The following ARIH1 variants were observed in gnomAD, a reference collection of about 807,000 sequenced individuals.
ARIH1 encodes ariadne RBR E3 ubiquitin protein ligase 1, also known as E3 ubiquitin-protein ligase ARIH1.
ARIH1 carries 8 observed loss-of-function variants against 85.0 expected under a neutral mutation model. That is an observed-to-expected ratio of 0.09 (90% CI 0.06 to 0.17). The LOEUF is 0.17. Ranked by LOEUF, ARIH1 falls within the 10% of genes least tolerant of loss-of-function variation. The pLI, the probability that ARIH1 is intolerant of heterozygous loss-of-function variation, is 1.00. For missense variants in ARIH1, 311 were observed against 718.1 expected (o/e 0.43, Z 6.48); for synonymous variants, 238 against 253.6 (o/e 0.94, Z 0.59).
intron 1 of ARIH1, among the ~76,000 whole-genome samples, chr15:72,495,908 T>C (rs1041622275): frequency 2.6e-5 from 4 of 152,136 alleles, no homozygotes; most frequent in South Asian, 4.1e-4. Context: ...TACAAAAATA[T>C]ATCTTACAAT....
intron 5 of ARIH1, among the ~76,000 whole-genome samples, chr15:72,556,895 C>G (rs1271647547): frequency 6.6e-6 from 1 of 152,124 alleles, no homozygotes; most frequent in Non-Finnish European, 1.5e-5. Flanking sequence ...CATGATTGTG[C>G]TCACTTTTTT....
chr15:72,484,321 G>A (rs1320061986), intron 1 of ARIH1, among the ~76,000 whole-genome samples: 1 of 152,000 alleles, frequency 6.6e-6, no homozygotes, highest in Non-Finnish European at 1.5e-5. Flanking sequence ...GGTTACATAA[G>A]TAAATTCTTT....
intron 11 of ARIH1, among the ~76,000 whole-genome samples, chr15:72,580,399 C>G (rs1371192741): frequency 6.6e-6 from 1 of 152,134 alleles, no homozygotes; most frequent in African/African-American, 2.4e-5. Context: ...TGTGAGAGTA[C>G]AGAGATACCT....
At chr15:72,514,976 G>A (rs1595858340) in intron 1 of ARIH1, among the ~76,000 whole-genome samples, 1 of 151,632 alleles carries the variant, frequency 6.6e-6, no homozygotes, top group East Asian at 1.9e-4. Flanking sequence ...GACAGAACAA[G>A]ACTCCATCAA....
At chr15:72,575,161 C>G (rs576734628) in intron 11 of ARIH1, among the ~76,000 whole-genome samples, 1 of 152,250 alleles carries the variant, frequency 6.6e-6, no homozygotes, top group Admixed American at 6.5e-5. Flanking sequence ...CTGGATTTGT[C>G]ATGCAGGCCA....
At chr15:72,529,744 TA>T (rs2064047455) in intron 2 of ARIH1, among the ~76,000 whole-genome samples, 1 of 152,134 alleles carries the variant, frequency 6.6e-6, no homozygotes, top group South Asian at 2.1e-4. Flanking sequence ...CCTGGGTATT[TA>T]AGGCTCAGAA....
chr15:72,601,952 C>A lies in ARIH1; in HGVS notation c.*18660C>A, dbSNP rs1210361772. 6.6e-6 allele frequency: 1 copy of A among 152,090 alleles called. No individual in the cohort carries two copies. Among genetic ancestry groups the A allele is most frequent in the Admixed American group, 6.6e-5 (1 of 15,258 alleles). The allele number at this position is 152,090 out of a possible 1,614,324, so 9.4% of individuals were successfully genotyped here. A position where few individuals can be genotyped will look rare whatever the true frequency, so the allele number is the denominator to read the frequency against. On this transcript the variant is annotated 3_prime_UTR_variant, in exon 14 of 14. Transcript: ENST00000379887. ...CTTTATTTTTGCCTTTTTATTAATA[C>A]AGATACTATATGCATTTTCTGCACT...
chr15:72,485,956 C>T (rs963986837), intron 1 of ARIH1, among the ~76,000 whole-genome samples: 1 of 151,936 alleles, frequency 6.6e-6, no homozygotes, highest in African/African-American at 2.4e-5. Flanking sequence ...CCTTTGGGGC[C>T]CATGGAGATA....
At chr15:72,557,911 T>C (rs2064181750) in intron 5 of ARIH1, among the ~76,000 whole-genome samples, 1 of 152,226 alleles carries the variant, frequency 6.6e-6, no homozygotes, top group African/African-American at 2.4e-5. Flanking sequence ...TCCTGAAATT[T>C]TACTGACTTT....
intron 2 of ARIH1, among the ~76,000 whole-genome samples, chr15:72,540,755 G>A (rs2064103565): frequency 6.6e-6 from 1 of 152,290 alleles, no homozygotes; most frequent in East Asian, 1.9e-4. Flanking sequence ...GAGGCCAAGA[G>A]TTCAAGGCTG....
chr15:72,546,060 A>T (rs2064127623), intron 3 of ARIH1, among the ~76,000 whole-genome samples: 1 of 152,154 alleles, frequency 6.6e-6, no homozygotes, highest in South Asian at 2.1e-4. Flanking sequence ...TGGGGGTCTC[A>T]CTATGCTACC....
intron 3 of ARIH1, among the ~76,000 whole-genome samples, chr15:72,546,934 A>AG (rs200691808): frequency 0.056 from 1,500 of 26,950 alleles, 28 homozygotes; most frequent in African/African-American, 0.14. Flanking sequence ...TTTTTTTTGG[A>AG]GGGGGGGGGG....
chr15:72,578,848 G>A (rs909474023), intron 11 of ARIH1, among the ~76,000 whole-genome samples: 6 of 133,594 alleles, frequency 4.5e-5, no homozygotes, highest in Admixed American at 2.7e-4. Flanking sequence ...GTAGAGTCTC[G>A]TTCTCTCCCC....
rs565030765 is a variant in ARIH1 at position 72,590,185 on chromosome 15, A to G, written c.*6893A>G. 2.0e-5 allele frequency: 3 copies of G among 152,310 alleles called. No homozygotes were observed. The East Asian group carries it at 5.8e-4, about 29-fold the overall frequency. The allele number at this position is 152,310 out of a possible 1,614,324, so 9.4% of individuals were successfully genotyped here. A position where few individuals can be genotyped will look rare whatever the true frequency, so the allele number is the denominator to read the frequency against. On this transcript the variant is annotated 3_prime_UTR_variant, in exon 14 of 14. Coordinates refer to ENST00000379887, the MANE Select transcript of ARIH1 (RefSeq NM_005744.5). ...CTGAAGCTCTCAACCTTGATTCTGC[A>G]TAGACTCGGTGGATTGCCCAAGGCC...
At chr15:72,478,272 C>G (rs2063802291) in intron 1 of ARIH1, among the ~76,000 whole-genome samples, 1 of 152,066 alleles carries the variant, frequency 6.6e-6, no homozygotes, top group Admixed American at 6.6e-5. Context: ...TGCACCACCA[C>G]ACCCAGCTAC....
intron 3 of ARIH1, among the ~76,000 whole-genome samples, chr15:72,545,996 T>A (rs1322919303): frequency 6.6e-6 from 1 of 152,226 alleles, no homozygotes; most frequent in Non-Finnish European, 1.5e-5. Context: ...CTCTTTCTAA[T>A]AATTACTATA....
rs940671888 is a variant in ARIH1, at chr15:72,588,073, A to G, written c.*4781A>G. On this transcript the variant is annotated 3_prime_UTR_variant, in exon 14 of 14. Coordinates refer to ENST00000379887, the MANE Select transcript of ARIH1 (RefSeq NM_005744.5). ...ATGTAGCAGCTCTATCAATACCACA[A>G]CAACCTTATTACCATAGTAATTCAG... is the stretch of plus-strand genomic sequence containing the variant. 5 of 152,190 alleles carry G rather than the reference A, an allele frequency of 3.3e-5. No homozygotes were observed. Among genetic ancestry groups the G allele is most frequent in the Non-Finnish European group, 4.4e-5 (3 of 68,026 alleles). The allele number at this position is 152,190 out of a possible 1,614,324, so 9.4% of individuals were successfully genotyped here.
At chr15:72,538,951 T>G (rs2064094921) in intron 2 of ARIH1, among the ~76,000 whole-genome samples, 1 of 152,204 alleles carries the variant, frequency 6.6e-6, no homozygotes, top group Non-Finnish European at 1.5e-5. Context: ...CTTGTGCCCT[T>G]TCTTCACTAA....
intron 3 of ARIH1, among the ~76,000 whole-genome samples, chr15:72,549,837 T>A (rs1403077861): frequency 6.6e-6 from 1 of 152,240 alleles, no homozygotes; most frequent in Non-Finnish European, 1.5e-5. Context: ...GTATTTTTCG[T>A]GTACTCTCTT....
Sources: allele counts gnomAD v4.1 joint callset (sites outside exome capture counted in the v4.1 genomes callset), GRCh38; gene constraint gnomAD v4.1.1; transcripts MANE v1.5; gene names NCBI Gene and HGNC (gene_info 2026-07-23, HGNC 2026-07-21).